DEPDC4: variants seen among roughly 807,000 people sequenced by gnomAD.
DEPDC4 encodes DEP domain-containing protein 4.
DEPDC4 carries 52 observed loss-of-function variants against 52.0 expected under a neutral mutation model. That is an observed-to-expected ratio of 1.00 (90% confidence interval 0.80 to 1.26). The LOEUF is 1.26. Among genes scored for constraint, DEPDC4 ranks in the 50% most tolerant of loss-of-function variants. DEPDC4 has a pLI of 0.00. For synonymous variants in DEPDC4, 201 were observed against 196.8 expected (o/e 1.02, Z -0.18); for missense variants, 530 against 546.9 (o/e 0.97, Z 0.31).
chr12:100,278,777 G>A, the DEPDC4 span, among the ~76,000 whole-genome samples: 2 of 151,684 alleles, frequency 1.3e-5, no homozygotes, highest in African/African-American at 2.4e-5. Flanking sequence ...CTACAGGCGC[G>A]TACCACCATG....
chr12:100,243,642 C>CT (rs1463483592), intron 8 of DEPDC4, among the ~76,000 whole-genome samples: 2 of 151,916 alleles, frequency 1.3e-5, no homozygotes, highest in African/African-American at 2.4e-5. Context: ...ACCAGCATCT[C>CT]TTTTTTTTCA....
intron 9 of DEPDC4, among the ~76,000 whole-genome samples, chr12:100,233,589 C>T (rs1371641130): frequency 6.6e-6 from 1 of 152,204 alleles, no homozygotes; most frequent in Non-Finnish European, 1.5e-5. Context: ...CTACATCATA[C>T]CTGGCATAGC....
In DEPDC4 at chr12:100,242,366, TAC is replaced by T. The variant is rs534161474; in HGVS notation, c.*46+118_*46+119del. 1.8e-4 allele frequency: 27 copies of T among 147,106 alleles called. No homozygotes were observed. In the East Asian group the frequency reaches 5.1e-3, roughly 28 times the overall value. 9.1% of individuals were successfully genotyped at this position (147,106 alleles called of 1,614,324 possible). A position where few individuals can be genotyped will look rare whatever the true frequency, so the allele number is the denominator to read the frequency against. ...TTTGCCTATCTTCACTATAATAGGA[TAC>T]ACCTATGGAAATAGCCTGGAATTAC... On this transcript the variant is annotated intron_variant, in intron 9 of 9. Coordinates refer to ENST00000550587, the MANE Select transcript of DEPDC4 (RefSeq NM_001364818.2).
At chr12:100,233,086 G>T (rs2096136902) in intron 9 of DEPDC4, among the ~76,000 whole-genome samples, 1 of 152,102 alleles carries the variant, frequency 6.6e-6, no homozygotes, top group African/African-American at 2.4e-5. Flanking sequence ...AACTGTTCAA[G>T]GTCACATTAG....
chr12:100,280,308 G>A, the DEPDC4 span, among the ~76,000 whole-genome samples: 1 of 152,088 alleles, frequency 6.6e-6, no homozygotes, highest in Non-Finnish European at 1.5e-5. Flanking sequence ...TGAAATAATT[G>A]TAATAACATT....
chr12:100,265,916 C>T (rs1254669162), intron 1 of DEPDC4, among the ~76,000 whole-genome samples: 2 of 152,126 alleles, frequency 1.3e-5, no homozygotes, highest in African/African-American at 4.8e-5. Flanking sequence ...AGAGGATGTA[C>T]CCTTTTAAAG....
chr12:100,243,081 G>A (rs1323967376), intron 8 of DEPDC4, among the ~76,000 whole-genome samples: 2 of 152,048 alleles, frequency 1.3e-5, no homozygotes, highest in African/African-American at 4.8e-5. Context: ...CATCATAAGA[G>A]ATTAACAGCA....
chr12:100,272,122 G>T, the DEPDC4 span, among the ~76,000 whole-genome samples: 1 of 152,118 alleles, frequency 6.6e-6, no homozygotes, highest in South Asian at 2.1e-4. Context: ...TCATACTGAA[G>T]CTACCCCAAA....
intron 3 of DEPDC4, 114 bp from the exon 4 acceptor site, chr12:100,256,340 GTAATA>G: frequency 1.5e-6 from 1 of 650,432 alleles, no homozygotes; most frequent in Non-Finnish European, 2.5e-6. Context: ...TAGTTCAGTA[GTAATA>G]TAATGGGTTA....
chr12:100,263,889 G>C lies in DEPDC4; in HGVS notation c.162C>G (p.Cys54Trp), dbSNP rs140815673. The change falls in exon 2 of 10, where the codon TGC becomes TGG. Residue 54 changes from cysteine to tryptophan, a missense_variant. Coordinates refer to ENST00000550587, the MANE Select transcript of DEPDC4 (RefSeq NM_001364818.2). ...GCTGAGTAGCTTGAAAAGGACCAGA[G>C]CATCCTGAAAAAAATTAAATATGCA... ...DGFCRKRRTGCSGPFQATQLW... is the reference protein window; with the variant it reads ...DGFCRKRRTGWSGPFQATQLW... 6.9e-5 allele frequency: 109 copies of C among 1,581,810 alleles called. No individual in the cohort carries two copies. The highest frequency in any genetic ancestry group is 8.9e-5 in the Non-Finnish European group (104 of 1,165,918).
chr12:100,261,946 T>C (rs2096254949), intron 3 of DEPDC4, among the ~76,000 whole-genome samples: 2 of 152,244 alleles, frequency 1.3e-5, no homozygotes, highest in Admixed American at 6.5e-5. Context: ...TGTATGATAC[T>C]ATAATGACAG....
chr12:100,255,974 C>T, intron 4 of DEPDC4, 75 bp downstream of exon 4: 1 of 1,081,872 alleles, frequency 9.2e-7, no homozygotes, highest in Non-Finnish European at 1.3e-6. Flanking sequence ...TATTTTCTCA[C>T]ATCCTAAAAT....
At position 100,263,676 on chromosome 12, in the gene DEPDC4, T is replaced by G. The variant is rs1244110948; in HGVS notation, c.375A>C (p.Gln125His). 3 of 1,613,954 alleles carry G rather than the reference T, an allele frequency of 1.9e-6. No homozygotes were observed. The highest frequency in any genetic ancestry group is 2.5e-6 in the Non-Finnish European group (3 of 1,180,000). Reference protein sequence around the residue: ...ISCLKGVHLCQVLMNHKVFEP... With the variant: ...ISCLKGVHLCHVLMNHKVFEP... The stretch of plus-strand genomic sequence containing the variant: ...CAAATACTTTGTGATTCATTAGAAC[T>G]TGGCAAAGATGAACCCCTTTAAGAC... The change falls in exon 2 of 10, where the codon CAA becomes CAC. Residue 125 changes from glutamine (Q) to histidine (H), a missense_variant. Transcript: ENST00000550587.
In DEPDC4 at chr12:100,240,535, G is replaced by T. The variant is rs570069512; in HGVS notation, c.*1357C>A. On this transcript the variant is annotated 3_prime_UTR_variant, in exon 10 of 10. Coordinates refer to ENST00000550587, the MANE Select transcript of DEPDC4 (RefSeq NM_001364818.2). Reference sequence around the variant, plus strand: ...TGTAACCTCTGCTACATTAGGGAATGATGCCATAGAGTGAACTAACCAATT... The same window carrying T: ...TGTAACCTCTGCTACATTAGGGAATTATGCCATAGAGTGAACTAACCAATT... Among the ~76,000 whole-genome samples, 1 of 152,250 alleles carries T rather than the reference G, an allele frequency of 6.6e-6. No individual in the cohort carries two copies. The highest frequency in any genetic ancestry group is 2.1e-4 in the South Asian group (1 of 4,828).
upstream of DEPDC4, among the ~76,000 whole-genome samples, chr12:100,269,744 C>T (rs1196379498): frequency 6.6e-6 from 1 of 152,026 alleles, no homozygotes; most frequent in African/African-American, 2.4e-5. Context: ...TGTACTTAAC[C>T]ATGTAACTTA....
chr12:100,253,782 G>C (rs549762828), intron 4 of DEPDC4, 67 bp from the exon 5 acceptor site: 83 of 854,972 alleles, frequency 9.7e-5, no homozygotes, highest in Non-Finnish European at 1.2e-4. Context: ...AGCACTATTT[G>C]ATAAAACATG....
At chr12:100,268,128 G>A (rs987664064), upstream of DEPDC4, among the ~76,000 whole-genome samples, 1 of 152,206 alleles carries the variant, frequency 6.6e-6, no homozygotes, top group African/African-American at 2.4e-5. Flanking sequence ...GGAGGCTCCA[G>A]ACAAGCTGCT....
chr12:100,254,729 T>A (rs1362397796), intron 4 of DEPDC4, among the ~76,000 whole-genome samples: 1 of 152,000 alleles, frequency 6.6e-6, no homozygotes, highest in East Asian at 1.9e-4. Flanking sequence ...CTCTTTCTTC[T>A]TTTTTAAATA....
At chr12:100,281,019 G>GTTTTTTTT in the DEPDC4 span, among the ~76,000 whole-genome samples, 12 of 50,492 alleles carry the variant, frequency 2.4e-4, 1 homozygote, top group African/African-American at 4.8e-4. Context: ...TACCATCAGT[G>GTTTTTTTT]TTTTTTTTTT....
Sources: allele counts gnomAD v4.1 joint callset (sites outside exome capture counted in the v4.1 genomes callset), GRCh38; gene constraint gnomAD v4.1.1; transcripts MANE v1.5; gene names NCBI Gene and HGNC (gene_info 2026-07-23, HGNC 2026-07-21).